Variants in LPP observed in about 807,000 individuals in gnomAD.
The protein encoded by LPP is LIM domain containing preferred translocation partner in lipoma.
In LPP, 38 loss-of-function variants were observed where a neutral mutation model predicts 60.4. The ratio of observed to expected loss-of-function variants is 0.63; its 90% CI spans 0.49 to 0.83. The LOEUF is 0.83. Ranked by LOEUF, LPP falls within the 40% of genes least tolerant of loss-of-function variation. The pLI is 0.00. For missense variants in LPP, 902 were observed against 783.6 expected, an observed-to-expected ratio of 1.15 and a Z score of -1.80; for synonymous variants, 328 against 290.8, an observed-to-expected ratio of 1.13 and a Z score of -1.30.
chr3:188,662,827 A>G (rs1854886254), intron 7 of LPP, among the ~76,000 whole-genome samples: 1 of 152,382 alleles, frequency 6.6e-6, no homozygotes, highest in Non-Finnish European at 1.5e-5. Context: ...AGAAATCTTT[A>G]AATATGTAAA....
At chr3:188,669,430 G>A (rs1301393638) in intron 7 of LPP, among the ~76,000 whole-genome samples, 3 of 152,052 alleles carry the variant, frequency 2.0e-5, no homozygotes, top group African/African-American at 7.2e-5. Flanking sequence ...CAAAAAATTA[G>A]CTGGGCGTGG....
chr3:188,264,585 TG>T (rs1474836633), intron 2 of LPP, among the ~76,000 whole-genome samples: 2 of 151,638 alleles, frequency 1.3e-5, no homozygotes, highest in African/African-American at 2.4e-5. Flanking sequence ...GGGAGGGAGG[TG>T]GGGTTTGGAG....
chr3:188,377,744 G>T (rs1775591458), intron 3 of LPP, among the ~76,000 whole-genome samples: 2 of 152,260 alleles, frequency 1.3e-5, no homozygotes, highest in Middle Eastern at 3.4e-3. Flanking sequence ...TTCCATTGCT[G>T]GTGAGGAGCT....
intron 10 of LPP, among the ~76,000 whole-genome samples, chr3:188,870,992 C>T (rs2152035810): frequency 6.6e-6 from 1 of 152,070 alleles, no homozygotes; most frequent in Admixed American, 6.5e-5. Flanking sequence ...TTTTCTGCAC[C>T]AGTCACAGTG....
chr3:188,688,776 A>T (rs1861439703), intron 7 of LPP: 1 of 521,468 alleles, frequency 1.9e-6, no homozygotes, highest in African/African-American at 1.9e-5. Flanking sequence ...GAAAAAATTT[A>T]AAATGGTCCT....
intron 6 of LPP, chr3:188,568,923 G>A (rs1284247538): frequency 6.6e-6 from 1 of 151,870 alleles, no homozygotes; most frequent in Non-Finnish European, 1.5e-5. Context: ...CTTCAGTAGG[G>A]GTGTATATGT....
At chr3:188,393,364 C>T (rs1734759794) in intron 3 of LPP, among the ~76,000 whole-genome samples, 2 of 152,088 alleles carry the variant, frequency 1.3e-5, no homozygotes, top group Admixed American at 1.3e-4. Flanking sequence ...CCCCCAAAGC[C>T]TCCTCTACTT....
chr3:188,462,544 T>TTTTA (rs1176072715), intron 4 of LPP, among the ~76,000 whole-genome samples: 3 of 34,188 alleles, frequency 8.8e-5, no homozygotes, highest in Admixed American at 4.1e-4. Flanking sequence ...TATATGAGCT[T>TTTTA]TATATATATA....
At chr3:188,774,783 G>C (rs776511248) in intron 9 of LPP, among the ~76,000 whole-genome samples, 1 of 152,062 alleles carries the variant, frequency 6.6e-6, no homozygotes, top group African/African-American at 2.4e-5. Flanking sequence ...CCCACTAAGT[G>C]TCTTTTCTTA....
Position 188,613,261 on chromosome 3 carries a change from C to CTATATCTATATCTATAT in LPP, c.1113+3417_1113+3418insTATATCTATATCTATAT, listed in dbSNP as rs1553944171. The stretch of plus-strand genomic sequence containing the variant: ...TGCATTTTATATATCTATATCTATA[C>CTATATCTATATCTATAT]CTATATCTATATCTATATCTATATC... On this transcript the variant is annotated intron_variant, in intron 7 of 11. Transcript: ENST00000617246. Among the ~76,000 whole-genome samples the CTATATCTATATCTATAT allele has an allele frequency of 8.1e-4, 95 of 117,352 alleles. No homozygotes were observed. In the East Asian group the frequency reaches 9.2e-3, roughly 11 times the overall value. The allele number at this position is 117,352 out of a possible 152,430, so 77.0% of individuals were successfully genotyped here. A position where few individuals can be genotyped will look rare whatever the true frequency, so the allele number is the denominator to read the frequency against.
Position 188,599,751 on chromosome 3 carries a change from GGTGTGTGT to G in LPP, c.430-9378_430-9371del, listed in dbSNP as rs71169011. Among the ~76,000 whole-genome samples, 582 of 139,906 alleles carry G rather than the reference GGTGTGTGT, an allele frequency of 4.2e-3. 5 individuals are homozygous for G. Among genetic ancestry groups the G allele is most frequent in the African/African-American group, 0.014 (527 of 37,300 alleles). The allele number at this position is 139,906 out of a possible 152,430, so 91.8% of individuals were successfully genotyped here. ...CAAAAACTATCGGGGACTCGTTAGG[GGTGTGTGT>G]GTGTGTGTGTGTGTGTGTGTGTGTG... is the stretch of plus-strand genomic sequence containing the variant. On this transcript the variant is annotated intron_variant, in intron 6 of 11. Coordinates refer to ENST00000617246, the MANE Select transcript of LPP (RefSeq NM_001375462.1).
At position 188,234,629 on chromosome 3, in the gene LPP, A is replaced by G. The variant is rs562588079; in HGVS notation, c.-67+9102A>G. On this transcript the variant is annotated intron_variant, in intron 2 of 11. Transcript: ENST00000617246. ...ACACAGAGATGGTTAAAAGCTACAC[A>G]TTTGACTCTCACATTCATACACGTA... Among the ~76,000 whole-genome samples the G allele has an allele frequency of 7.0e-4, 107 of 152,316 alleles. 1 individual carries two copies. The highest frequency in any genetic ancestry group is 2.5e-3 in the African/African-American group (103 of 41,572).
intron 7 of LPP, among the ~76,000 whole-genome samples, chr3:188,659,638 C>T (rs527239473): frequency 6.6e-6 from 1 of 152,318 alleles, no homozygotes; most frequent in South Asian, 2.1e-4. Flanking sequence ...CAGCCAGAGA[C>T]TTGCTCCTAA....
rs145565207 is a variant in LPP at position 188,329,311 on chromosome 3, C to T, written c.-66-12352C>T. On this transcript the variant is annotated intron_variant, in intron 2 of 11. Coordinates refer to ENST00000617246, the MANE Select transcript of LPP (RefSeq NM_001375462.1). The stretch of plus-strand genomic sequence containing the variant: ...TTCTTTTGATTTCCTGCTCCACTTT[C>T]AGGAATTTAAAGGTAACTCAAGGAA... 7.9e-5 allele frequency among the ~76,000 whole-genome samples: 12 copies of T among 152,272 alleles called. No homozygotes were observed. In the East Asian group the frequency reaches 2.3e-3, roughly 29 times the overall value.
chr3:188,598,274 G>A (rs974367949), intron 6 of LPP, among the ~76,000 whole-genome samples: 2 of 152,104 alleles, frequency 1.3e-5, no homozygotes, highest in African/African-American at 4.8e-5. Context: ...TTTAATACAG[G>A]AAGGCAATGA....
intron 4 of LPP, among the ~76,000 whole-genome samples, chr3:188,457,487 G>A (rs1013318829): frequency 5.3e-5 from 8 of 151,986 alleles, no homozygotes; most frequent in African/African-American, 2.4e-5. Flanking sequence ...TCCCAGGAGC[G>A]GAGTACTAGC....
intron 7 of LPP, among the ~76,000 whole-genome samples, chr3:188,663,255 CT>C (rs1404539366): frequency 6.6e-6 from 1 of 152,118 alleles, no homozygotes; most frequent in African/African-American, 2.4e-5. Flanking sequence ...ATTAAAGGGC[CT>C]TGTGGTGTCT....
chr3:188,868,939 A>G lies in LPP; in HGVS notation c.1589+2561A>G, dbSNP rs190186005. Among the ~76,000 whole-genome samples the G allele has an allele frequency of 2.8e-3, 420 of 152,326 alleles. 3 individuals are homozygous for G. The highest frequency in any genetic ancestry group is 4.8e-3 in the Admixed American group (74 of 15,290). On this transcript the variant is annotated intron_variant, in intron 10 of 11. Transcript: ENST00000617246. Reference sequence around the variant, plus strand: ...TGTCAGCAAGGAGCTTGCCAGGAGGAGGGCAGAGAAAGTGTGCAGACAGGG... The same window carrying G: ...TGTCAGCAAGGAGCTTGCCAGGAGGGGGGCAGAGAAAGTGTGCAGACAGGG...
chr3:188,459,839 T>TGG (rs11286024), intron 4 of LPP, among the ~76,000 whole-genome samples: 5 of 151,332 alleles, frequency 3.3e-5, no homozygotes, highest in East Asian at 1.9e-4. Context: ...TGATTATTCA[T>TGG]GGGGGGGGGT....
Sources: allele counts gnomAD v4.1 joint callset (sites outside exome capture counted in the v4.1 genomes callset), GRCh38; gene constraint gnomAD v4.1.1; transcripts MANE v1.5; gene names NCBI Gene and HGNC (gene_info 2026-07-23, HGNC 2026-07-21).